Variants in SEC31A observed in about 807,000 individuals in gnomAD.
The protein encoded by SEC31A is protein transport protein Sec31A.
SEC31A carries 70 observed loss-of-function variants against 151.0 expected under a neutral mutation model. That is an observed-to-expected ratio of 0.46 (90% CI 0.38 to 0.57). The LOEUF (loss-of-function observed/expected upper bound fraction) is 0.57. Among genes scored for constraint, SEC31A ranks in the 20% least tolerant of loss-of-function variants. SEC31A has a pLI of 0.00. For missense variants in SEC31A, 1,330 were observed against 1,471.2 expected (o/e 0.90, Z 1.57); for synonymous variants, 475 against 505.9 (o/e 0.94, Z 0.82).
chr4:82,824,474 G>A, intron 25 of SEC31A, 81 bp downstream of exon 25: 1 of 1,484,562 alleles, frequency 6.7e-7, no homozygotes, highest in South Asian at 1.3e-5. Context: ...CAAAGTGCTG[G>A]GATTACACGC....
intron 7 of SEC31A, among the ~76,000 whole-genome samples, chr4:82,870,880 A>G (rs1050687411): frequency 2.6e-5 from 4 of 152,216 alleles, no homozygotes; most frequent in Non-Finnish European, 5.9e-5. Flanking sequence ...CTATTTCACA[A>G]TAAATTACAG....
chr4:82,832,588 A>T (rs1175483124), intron 22 of SEC31A, among the ~76,000 whole-genome samples: 7 of 152,248 alleles, frequency 4.6e-5, no homozygotes, highest in Non-Finnish European at 7.3e-5. Flanking sequence ...TCTGCACAGC[A>T]AAAGAAACTA....
chr4:82,853,124 G>A (rs1731815010), intron 18 of SEC31A, among the ~76,000 whole-genome samples: 1 of 152,106 alleles, frequency 6.6e-6, no homozygotes, highest in African/African-American at 2.4e-5. Context: ...TGGGGGTTGG[G>A]GACCTCTGCT....
At chr4:82,832,665 GA>G (rs1350415172) in intron 22 of SEC31A, among the ~76,000 whole-genome samples, 2 of 152,054 alleles carry the variant, frequency 1.3e-5, no homozygotes, top group African/African-American at 4.8e-5. Context: ...TCTGACAAAG[GA>G]CTAATATCCA....
At chr4:82,851,039 A>C (rs1011676159) in intron 19 of SEC31A, among the ~76,000 whole-genome samples, 4 of 152,250 alleles carry the variant, frequency 2.6e-5, no homozygotes, top group African/African-American at 9.6e-5. Flanking sequence ...AACATATGGG[A>C]TTTTAAAAAT....
At chr4:82,845,191 A>G in intron 20 of SEC31A, 1 of 1,499,882 alleles carries the variant, frequency 6.7e-7, no homozygotes, top group Non-Finnish European at 9.0e-7. Context: ...AGGAATAATG[A>G]AGGATATACC....
chr4:82,825,530 T>C (rs1475042015), intron 24 of SEC31A, among the ~76,000 whole-genome samples: 2 of 152,156 alleles, frequency 1.3e-5, no homozygotes, highest in Non-Finnish European at 2.9e-5. Context: ...AAAAAGAGCA[T>C]TCCAGACGAA....
intron 8 of SEC31A, 32 bp downstream of exon 8, chr4:82,870,293 C>T (rs150478532): frequency 6.5e-7 from 1 of 1,535,392 alleles, no homozygotes; most frequent in Non-Finnish European, 9.0e-7. Context: ...ACTATAAGGG[C>T]TACAAGGTTG....
Position 82,891,105 on chromosome 4 carries a change from C to A in SEC31A, c.-22G>T, listed in dbSNP as rs1307269772. 2.2e-5 allele frequency: 34 copies of A among 1,535,858 alleles called. No individual in the cohort carries two copies. The highest frequency in any genetic ancestry group is 2.7e-5 in the Non-Finnish European group (31 of 1,146,796). ...GGACGCACCTGGCGAGGACCTTCGG[C>A]AGCCGGATCCTGCGTTAGTGCAGCG... is the stretch of plus-strand genomic sequence containing the variant. On this transcript the variant is annotated 5_prime_UTR_variant, in exon 1 of 27. Coordinates refer to ENST00000395310, the MANE Select transcript of SEC31A (RefSeq NM_001077207.4).
upstream of SEC31A, among the ~76,000 whole-genome samples, chr4:82,892,746 G>A (rs144388460): frequency 6.4e-4 from 97 of 152,086 alleles, no homozygotes; most frequent in African/African-American, 2.1e-3. Flanking sequence ...TGGGGGGGGG[G>A]GCACAATGAT....
chr4:82,890,863 G>A, intron 1 of SEC31A: 1 of 1,385,436 alleles, frequency 7.2e-7, no homozygotes, highest in Non-Finnish European at 9.3e-7. Context: ...TTGCTCAGCA[G>A]TGGAGACGTC....
intron 22 of SEC31A, chr4:82,830,796 A>G (rs909178629): frequency 8.8e-5 from 19 of 215,794 alleles, no homozygotes; most frequent in Admixed American, 1.6e-4. Flanking sequence ...TTCAATTAAG[A>G]AGCCAAATAA....
chr4:82,872,864 C>T (rs12648257), intron 6 of SEC31A, among the ~76,000 whole-genome samples: 42,007 of 151,886 alleles, frequency 0.28, 6,856 homozygotes, highest in East Asian at 0.49. Context: ...ACCACCATGC[C>T]TGGCTAATTT....
intron 10 of SEC31A, 36 bp downstream of exon 10, chr4:82,866,772 T>C (rs749375424): frequency 6.4e-7 from 1 of 1,566,498 alleles, no homozygotes; most frequent in South Asian, 1.2e-5. Context: ...AAAAAGTCCT[T>C]TGTGCCTATG....
intron 23 of SEC31A, 29 bp from the exon 24 acceptor site, chr4:82,827,661 A>G (rs1724904365): frequency 1.2e-6 from 2 of 1,602,724 alleles, no homozygotes; most frequent in Non-Finnish European, 1.7e-6. Flanking sequence ...AAAAGACACC[A>G]GGAGTAAGAA....
intron 8 of SEC31A, among the ~76,000 whole-genome samples, chr4:82,870,119 C>T (rs1458969036): frequency 6.6e-6 from 1 of 152,146 alleles, no homozygotes; most frequent in East Asian, 1.9e-4. Context: ...TTAAAATATA[C>T]TATTTGAATT....
At chr4:82,883,909 G>A (rs1739970629) in intron 1 of SEC31A, among the ~76,000 whole-genome samples, 1 of 149,868 alleles carries the variant, frequency 6.7e-6, no homozygotes. Flanking sequence ...TTTTTTGTAT[G>A]ACTATGGGTA....
intron 1 of SEC31A, among the ~76,000 whole-genome samples, chr4:82,882,168 C>A (rs1007828958): frequency 1.3e-5 from 2 of 152,040 alleles, no homozygotes; most frequent in Non-Finnish European, 2.9e-5. Flanking sequence ...CTTTGGGAGG[C>A]CAAGGCGGGC....
At chr4:82,841,175 G>A (rs1352864336) in intron 22 of SEC31A, among the ~76,000 whole-genome samples, 3 of 151,714 alleles carry the variant, frequency 2.0e-5, no homozygotes, top group African/African-American at 7.3e-5. Flanking sequence ...TGTAATCCCA[G>A]CACTTTGGGA....
Sources: gnomAD v4.1 joint callset for allele counts (sites outside exome capture counted in the v4.1 genomes callset) on GRCh38, gnomAD v4.1.1 for gene constraint, MANE v1.5 for transcripts, NCBI Gene and HGNC (gene_info 2026-07-23, HGNC 2026-07-21) for gene names.